WDR27: variants seen among roughly 807,000 people sequenced by gnomAD.
WDR27 encodes WD repeat domain 27, also known as WD repeat-containing protein 27.
In WDR27, 100 loss-of-function variants were observed where a neutral mutation model predicts 114.4. The ratio of observed to expected loss-of-function variants is 0.87; its 90% CI spans 0.74 to 1.03. The LOEUF (loss-of-function observed/expected upper bound fraction) is 1.03. WDR27 is among the 50% of genes least tolerant of loss of function. WDR27 has a pLI of 0.00. For synonymous variants in WDR27, 449 were observed against 423.1 expected, an observed-to-expected ratio of 1.06 and a Z score of -0.75; for missense variants, 1,129 against 1,092.9, an observed-to-expected ratio of 1.03 and a Z score of -0.47.
chr6:169,660,739 C>T lies in WDR27; in HGVS notation c.1053G>A (p.Val351=). Residue 351 remains valine (V), a synonymous_variant, in exon 10 of 26, where the codon GTG becomes GTA. Transcript: ENST00000448612. ...ATAAGCCCACTGAGCTTCCGATCCA[C>T]ACACATCGGGTGTTCTCAGAAGAAA... ...GCLSSENTRC[V]WIGSSVGLFV... is the part of the protein sequence containing the mutation. The T allele has an allele frequency of 6.2e-7, 1 of 1,613,884 alleles. No homozygotes were observed. Among genetic ancestry groups the T allele is most frequent in the Non-Finnish European group, 8.5e-7 (1 of 1,179,860 alleles).
At chr6:169,581,749 A>G (rs754598547) in intron 24 of WDR27, among the ~76,000 whole-genome samples, 12 of 152,212 alleles carry the variant, frequency 7.9e-5, no homozygotes, top group Non-Finnish European at 1.5e-4. Flanking sequence ...CAGCGGTAGT[A>G]CCGCGTGTGC....
chr6:169,522,493 T>C (rs1329757673), intron 25 of WDR27, among the ~76,000 whole-genome samples: 1 of 152,030 alleles, frequency 6.6e-6, no homozygotes, highest in Non-Finnish European at 1.5e-5. Flanking sequence ...ACAGAACATT[T>C]CACGCAGTTG....
At chr6:169,603,500 T>C (rs1313541121) in intron 22 of WDR27, among the ~76,000 whole-genome samples, 1 of 152,232 alleles carries the variant, frequency 6.6e-6, no homozygotes, top group African/African-American at 2.4e-5. Context: ...GTGGCACATA[T>C]ACTGCACATT....
At chr6:169,491,783 A>G (rs1470115765) in intron 25 of WDR27, among the ~76,000 whole-genome samples, 3 of 152,298 alleles carry the variant, frequency 2.0e-5, no homozygotes, top group Non-Finnish European at 4.4e-5. Flanking sequence ...ACACTGAGGT[A>G]GTTACATGGC....
chr6:169,437,250 A>G, the WDR27 span, among the ~76,000 whole-genome samples: 1 of 151,496 alleles, frequency 6.6e-6, no homozygotes, highest in African/African-American at 2.4e-5. Context: ...TAGGACTGGA[A>G]GGAAATTGTT....
At chr6:169,635,298 T>A (rs540256263) in intron 19 of WDR27, among the ~76,000 whole-genome samples, 1 of 152,174 alleles carries the variant, frequency 6.6e-6, no homozygotes, top group Non-Finnish European at 1.5e-5. Context: ...TGCAGGAGAA[T>A]CCCATGAACT....
intron 1 of WDR27, among the ~76,000 whole-genome samples, chr6:169,700,782 C>T (rs955128442): frequency 3.3e-5 from 5 of 152,138 alleles, no homozygotes; most frequent in Admixed American, 6.5e-5. Flanking sequence ...AAAAGCAATA[C>T]AATACAAAAC....
rs371499404 is a variant in WDR27 at position 169,649,363 on chromosome 6, TATAC to T, written c.1482-92_1482-89del. ...TTATATTTTACAGTGAAAAAAATTA[TATAC>T]ATAGATATAGACGTCTGCATAAATG... On this transcript the variant is annotated intron_variant, in intron 14 of 25. Coordinates refer to ENST00000448612, the MANE Select transcript of WDR27 (RefSeq NM_182552.5). The T allele has an allele frequency of 1.2e-3, 1,376 of 1,108,364 alleles. 22 individuals carry two copies. The South Asian group carries it at 0.018, about 14-fold the overall frequency. The allele number at this position is 1,108,364 out of a possible 1,614,324, so 68.7% of individuals were successfully genotyped here.
chr6:169,505,035 C>G (rs1445507471), intron 25 of WDR27, among the ~76,000 whole-genome samples: 2 of 152,060 alleles, frequency 1.3e-5, no homozygotes, highest in Non-Finnish European at 2.9e-5. Context: ...TGAAATCTAG[C>G]AAGAAAGACA....
chr6:169,494,601 ATGT>A (rs1790171043), intron 25 of WDR27, among the ~76,000 whole-genome samples: 3 of 152,114 alleles, frequency 2.0e-5, no homozygotes, highest in Admixed American at 2.0e-4. Flanking sequence ...ATTGACTGAA[ATGT>A]TGTTATGGGG....
At chr6:169,645,951 G>A (rs755990840) in intron 16 of WDR27, among the ~76,000 whole-genome samples, 7 of 150,922 alleles carry the variant, frequency 4.6e-5, no homozygotes, top group African/African-American at 4.9e-5. Flanking sequence ...TCACACTGTA[G>A]GAAATCCTAG....
intron 24 of WDR27, among the ~76,000 whole-genome samples, chr6:169,579,727 T>A (rs1042867922): frequency 6.6e-6 from 1 of 152,140 alleles, no homozygotes; most frequent in African/African-American, 2.4e-5. Flanking sequence ...TTATGTAGCA[T>A]ATAATTAAGA....
At chr6:169,624,322 G>A (rs1361541624) in intron 21 of WDR27, among the ~76,000 whole-genome samples, 1 of 152,152 alleles carries the variant, frequency 6.6e-6, no homozygotes, top group Non-Finnish European at 1.5e-5. Context: ...TGCGGCGTGT[G>A]GCATCAGATA....
At chr6:169,642,030 A>T (rs978917540) in intron 17 of WDR27, among the ~76,000 whole-genome samples, 3 of 152,264 alleles carry the variant, frequency 2.0e-5, no homozygotes, top group Non-Finnish European at 4.4e-5. Flanking sequence ...CTCCTTTATT[A>T]AATTAAATAC....
intron 25 of WDR27, among the ~76,000 whole-genome samples, chr6:169,493,547 T>C (rs1790040552): frequency 6.6e-6 from 1 of 152,150 alleles, no homozygotes. Flanking sequence ...TCCAAACCTG[T>C]TTTTCTCCAT....
At chr6:169,670,731 T>C (rs201806332) in intron 3 of WDR27, 38 bp from the exon 4 acceptor site, 117 of 1,611,566 alleles carry the variant, frequency 7.3e-5, no homozygotes, top group Non-Finnish European at 9.5e-5. Flanking sequence ...GTTTACCAAA[T>C]GCATTCAGCA....
intron 25 of WDR27, among the ~76,000 whole-genome samples, chr6:169,525,709 G>C (rs1345733644): frequency 6.6e-6 from 1 of 152,022 alleles, no homozygotes; most frequent in Non-Finnish European, 1.5e-5. Context: ...ATTATAAATA[G>C]AATTACCATA....
chr6:169,615,147 A>G (rs560183324), intron 21 of WDR27, among the ~76,000 whole-genome samples: 2 of 152,378 alleles, frequency 1.3e-5, no homozygotes, highest in East Asian at 3.9e-4. Context: ...ATGAATAATC[A>G]TAATTGCAAA....
At chr6:169,451,200 A>G in the WDR27 span, among the ~76,000 whole-genome samples, 2,586 of 152,284 alleles carry the variant, frequency 0.017, 72 homozygotes, top group African/African-American at 0.059. Context: ...ATTCCAGTAA[A>G]TTGTGCATTC....
Sources: gnomAD v4.1 joint callset for allele counts (sites outside exome capture counted in the v4.1 genomes callset) on GRCh38, gnomAD v4.1.1 for gene constraint, MANE v1.5 for transcripts, NCBI Gene and HGNC (gene_info 2026-07-23, HGNC 2026-07-21) for gene names.